The following SLIT3 variants were observed in gnomAD, a reference collection of about 807,000 sequenced individuals.
The protein encoded by SLIT3 is slit guidance ligand 3, also known as slit homolog 3 protein.
A neutral mutation model predicts 184.0 loss-of-function variants in SLIT3; 68 were observed. The ratio of observed to expected loss-of-function variants is 0.37; its 90% confidence interval spans 0.30 to 0.45. The LOEUF (loss-of-function observed/expected upper bound fraction) is 0.45, where lower values mean the gene tolerates loss of function less well. SLIT3 is among the 20% of genes least tolerant of loss of function. The pLI is 1.00. For synonymous variants in SLIT3, 831 were observed against 828.6 expected (o/e 1.00, Z -0.05); for missense variants, 1,707 against 2,026.0 (o/e 0.84, Z 3.02).
intron 4 of SLIT3, among the ~76,000 whole-genome samples, chr5:169,066,960 AAAGAC>A (rs1004659089): frequency 6.6e-6 from 1 of 150,514 alleles, no homozygotes; most frequent in African/African-American, 2.4e-5. Context: ...AAAAAAAAAA[AAAGAC>A]AAGACATACA....
intron 1 of SLIT3, among the ~76,000 whole-genome samples, chr5:169,271,714 G>A (rs183295987): frequency 2.8e-4 from 43 of 152,340 alleles, no homozygotes; most frequent in African/African-American, 1.0e-3. Context: ...AGCCCTGGAA[G>A]CTACAGAGTG....
chr5:168,878,256 G>A (rs778535701), intron 5 of SLIT3, among the ~76,000 whole-genome samples: 6 of 152,168 alleles, frequency 3.9e-5, no homozygotes, highest in Non-Finnish European at 7.3e-5. Context: ...GCGTAGAGTG[G>A]CATCCCCAGA....
Position 168,786,538 on chromosome 5 carries a change from G to C in SLIT3, c.1080-560C>G, listed in dbSNP as rs569560759. ...TCGGGAAAAACCAGGGAGCTTTGCT[G>C]TCTCACAGTAATGGCAGCTTTTACT... On this transcript the variant is annotated intron_variant, in intron 11 of 35. Transcript: ENST00000519560. Among the ~76,000 whole-genome samples, 18 of 152,328 alleles carry C rather than the reference G, an allele frequency of 1.2e-4. 2 individuals are homozygous for C. The South Asian group carries it at 2.7e-3, about 23-fold the overall frequency.
intron 8 of SLIT3, 38 bp from the exon 9 acceptor site, chr5:168,806,625 G>A (rs1756973112): frequency 6.2e-7 from 1 of 1,610,906 alleles, no homozygotes; most frequent in Non-Finnish European, 8.5e-7. Context: ...TTATGTCAGT[G>A]TCAGGAGCTG....
intron 4 of SLIT3, among the ~76,000 whole-genome samples, chr5:168,936,790 T>G: frequency 6.6e-6 from 1 of 152,012 alleles, no homozygotes; most frequent in Non-Finnish European, 1.5e-5. Flanking sequence ...ACTGGAATCA[T>G]TCAGTCATTT....
chr5:169,208,004 T>C (rs1764131484), intron 3 of SLIT3, among the ~76,000 whole-genome samples: 1 of 152,186 alleles, frequency 6.6e-6, no homozygotes, highest in African/African-American at 2.4e-5. Context: ...GCAGCTGGAA[T>C]GGACTAAGAC....
At position 168,819,816 on chromosome 5, in the gene SLIT3, T is replaced by A. The variant is rs562379950; in HGVS notation, c.630-2353A>T. The stretch of plus-strand genomic sequence containing the variant: ...TCTCTCTTCTTAATCTTGATACAGA[T>A]AGTTCCTATCCCTTTGTCCGTCTTA... On this transcript the variant is annotated intron_variant, in intron 7 of 35. Transcript: ENST00000519560. Among the ~76,000 whole-genome samples the A allele has an allele frequency of 1.1e-3, 171 of 152,306 alleles. 1 individual carries two copies. Among genetic ancestry groups the A allele is most frequent in the African/African-American group, 3.9e-3 (162 of 41,572 alleles).
At chr5:169,102,674 T>C (rs952339022) in intron 4 of SLIT3, among the ~76,000 whole-genome samples, 1 of 152,174 alleles carries the variant, frequency 6.6e-6, no homozygotes. Context: ...TTTGTGTGTG[T>C]AGCTAGAAAA....
intron 32 of SLIT3, among the ~76,000 whole-genome samples, chr5:168,678,323 A>C (rs1477881339): frequency 2.0e-4 from 31 of 152,074 alleles, no homozygotes; most frequent in Admixed American, 2.0e-3. Flanking sequence ...CTCCATTTCT[A>C]CTTGCCTTAA....
intron 4 of SLIT3, among the ~76,000 whole-genome samples, chr5:169,105,025 G>T (rs1760152079): frequency 1.3e-5 from 2 of 152,170 alleles, no homozygotes; most frequent in Non-Finnish European, 2.9e-5. Context: ...ATAGATGCTG[G>T]CACAGGTTCA....
At chr5:168,755,448 TTTG>T (rs779648752) in intron 16 of SLIT3, among the ~76,000 whole-genome samples, 1 of 102,566 alleles carries the variant, frequency 9.7e-6, no homozygotes, top group African/African-American at 3.4e-5. Flanking sequence ...TTTCTTTCTT[TTTG>T]AGACAGAATT....
At chr5:169,191,417 A>G (rs113156246) in intron 4 of SLIT3, among the ~76,000 whole-genome samples, 173 of 152,278 alleles carry the variant, frequency 1.1e-3, no homozygotes, top group African/African-American at 3.9e-3. Flanking sequence ...GCTTGTTGCA[A>G]CTCCTAGTCT....
chr5:168,696,682 C>T (rs1295558135), intron 27 of SLIT3, among the ~76,000 whole-genome samples: 2 of 152,166 alleles, frequency 1.3e-5, no homozygotes, highest in African/African-American at 4.8e-5. Flanking sequence ...CTGGCTGCCT[C>T]GCTCTGGGGC....
chr5:169,179,276 CTTTTTT>C lies in SLIT3; in HGVS notation c.413+14197_413+14202del, dbSNP rs370270230. On this transcript the variant is annotated intron_variant, in intron 4 of 35. Coordinates refer to ENST00000519560, the MANE Select transcript of SLIT3 (RefSeq NM_003062.4). ...AAATTAGTGAAACCTATTCCTTTTTCTTTTTTTTTTTTTTTTTTTCCAGACCAAGGC... is the reference window on the plus strand; with the variant it reads ...AAATTAGTGAAACCTATTCCTTTTTCTTTTTTTTTTTTTCCAGACCAAGGC... Among the ~76,000 whole-genome samples, 228 of 125,048 alleles carry C rather than the reference CTTTTTT, an allele frequency of 1.8e-3. 1 individual carries two copies. Among genetic ancestry groups the C allele is most frequent in the African/African-American group, 6.0e-3 (206 of 34,178 alleles). 82.0% of individuals were successfully genotyped at this position (125,048 alleles called of 152,430 possible).
chr5:168,860,883 G>T (rs1002229681), intron 5 of SLIT3, among the ~76,000 whole-genome samples: 2 of 152,144 alleles, frequency 1.3e-5, no homozygotes, highest in African/African-American at 4.8e-5. Context: ...GTTTCTGCCC[G>T]ACTCTGGTGC....
intron 4 of SLIT3, among the ~76,000 whole-genome samples, chr5:169,033,694 G>A: frequency 6.6e-6 from 1 of 151,734 alleles, no homozygotes; most frequent in East Asian, 1.9e-4. Flanking sequence ...GATGAATGAT[G>A]TTGAGCACCT....
At chr5:168,878,371 T>C (rs1167410326) in intron 5 of SLIT3, among the ~76,000 whole-genome samples, 3 of 152,238 alleles carry the variant, frequency 2.0e-5, no homozygotes, top group Non-Finnish European at 4.4e-5. Flanking sequence ...AGCATCATGC[T>C]TGTGGCTCCT....
At chr5:168,918,376 C>T (rs1410699215) in intron 4 of SLIT3, among the ~76,000 whole-genome samples, 1 of 152,168 alleles carries the variant, frequency 6.6e-6, no homozygotes, top group Non-Finnish European at 1.5e-5. Flanking sequence ...TTCTGACTTG[C>T]ATCAGAACAA....
chr5:168,671,337 G>T lies in SLIT3; in HGVS notation c.3988C>A (p.Pro1330Thr). Residue 1330 changes from proline (P) to threonine (T), a missense_variant, in exon 34 of 36, where the codon CCA (proline) becomes ACA (threonine). By Grantham distance (38) the Pro-to-Thr change is conservative. Coordinates refer to ENST00000519560, the MANE Select transcript of SLIT3 (RefSeq NM_003062.4). ...CACACGGTGCAGGACTTGCAGCCTG[G>T]TGACACCCCCAGGGACTGTGGTGGG... is the stretch of plus-strand genomic sequence containing the variant. ...ALPPQSLGVS[P>T]GCKSCTVCKH... 6.2e-7 allele frequency: 1 copy of T among 1,614,120 alleles called. No individual in the cohort carries two copies. The highest frequency in any genetic ancestry group is 8.5e-7 in the Non-Finnish European group (1 of 1,180,026).
Sources: allele counts gnomAD v4.1 joint callset (sites outside exome capture counted in the v4.1 genomes callset), GRCh38; gene constraint gnomAD v4.1.1; transcripts MANE v1.5; gene names NCBI Gene and HGNC (gene_info 2026-07-23, HGNC 2026-07-21).